The following SDK1 variants were observed in gnomAD, a reference collection of about 807,000 sequenced individuals.
SDK1 encodes protein sidekick-1.
A neutral mutation model predicts 245.5 loss-of-function variants in SDK1; 157 were observed. That is an observed-to-expected ratio of 0.64 (90% confidence interval 0.56 to 0.73). SDK1 has a LOEUF of 0.73. Ranked by LOEUF, SDK1 falls within the 30% of genes least tolerant of loss-of-function variation. The pLI, the probability that SDK1 is intolerant of heterozygous loss-of-function variation, is 0.00. For synonymous variants in SDK1, 1,647 were observed against 1,278.5 expected (o/e 1.29, Z -6.15); for missense variants, 3,583 against 3,002.3 (o/e 1.19, Z -4.52).
At chr7:4,235,679 C>T (rs969840144) in intron 41 of SDK1, among the ~76,000 whole-genome samples, 1 of 152,226 alleles carries the variant, frequency 6.6e-6, no homozygotes, top group African/African-American at 2.4e-5. Flanking sequence ...AAGCCGGTTC[C>T]TCATGCGGAA....
intron 16 of SDK1, among the ~76,000 whole-genome samples, chr7:4,014,363 T>C (rs2128150672): frequency 6.6e-6 from 1 of 152,302 alleles, no homozygotes; most frequent in African/African-American, 2.4e-5. Context: ...GCATCTTCTG[T>C]ATTTGCAGGA....
Position 3,988,605 on chromosome 7 carries a change from C to T in SDK1, c.2131+1283C>T, listed in dbSNP as rs527452796. On this transcript the variant is annotated intron_variant, in intron 14 of 44. Coordinates refer to ENST00000404826, the MANE Select transcript of SDK1 (RefSeq NM_152744.4). ...GGTCAGCCACACGGGACACATGAAA[C>T]TCAACACGGATTTTATGTTGACTCC... is the stretch of plus-strand genomic sequence containing the variant. Among the ~76,000 whole-genome samples the T allele has an allele frequency of 2.0e-5, 3 of 152,260 alleles. No individual in the cohort carries two copies. In the East Asian group the frequency reaches 5.8e-4, roughly 29 times the overall value.
Position 3,723,924 on chromosome 7 carries a change from GTATA to G in SDK1, c.713+81836_713+81839del, listed in dbSNP as rs375367373. Among the ~76,000 whole-genome samples the G allele has an allele frequency of 3.5e-3, 230 of 65,298 alleles. 12 individuals are homozygous for G. The East Asian group carries it at 0.05, about 14-fold the overall frequency. The allele number at this position is 65,298 out of a possible 152,430, so 42.8% of individuals were successfully genotyped here. ...TATACACGTACATATATATATACAC[GTATA>G]TATATATATATATATAGAGAGAGAG... On this transcript the variant is annotated intron_variant, in intron 4 of 44. Coordinates refer to ENST00000404826, the MANE Select transcript of SDK1 (RefSeq NM_152744.4).
chr7:3,642,929 C>G (rs1387929401), intron 4 of SDK1: 1 of 152,222 alleles, frequency 6.6e-6, no homozygotes, highest in Non-Finnish European at 1.5e-5. Flanking sequence ...AAAAATTCAT[C>G]AGGAGCAAAT....
At position 4,042,565 on chromosome 7, in the gene SDK1, A is replaced by T. The variant is rs1436897762; in HGVS notation, c.2603-6783A>T. Among the ~76,000 whole-genome samples the T allele has an allele frequency of 4.4e-5, 6 of 137,766 alleles. 3 individuals are homozygous for T. Among genetic ancestry groups the T allele is most frequent in the African/African-American group, 2.0e-4 (6 of 30,574 alleles). The allele number at this position is 137,766 out of a possible 152,430, so 90.4% of individuals were successfully genotyped here. ...ACCAGAAAGGAGCATAACACCTGTC[A>T]CGTTACCAGCCTGCCTCCAGGCCTG... On this transcript the variant is annotated intron_variant, in intron 17 of 44. Coordinates refer to ENST00000404826, the MANE Select transcript of SDK1 (RefSeq NM_152744.4).
rs1016689701 is a variant in SDK1 at position 4,011,165 on chromosome 7, G to T, written c.2279+52G>T. The T allele has an allele frequency of 6.3e-6, 10 of 1,591,506 alleles. No homozygotes were observed. The African/African-American group carries it at 9.4e-5, about 15-fold the overall frequency. ...GTGTGGAACAGCCGGGGGCCTGAAT[G>T]CCAAAGAGAAGCATCACATTATGTG... is the stretch of plus-strand genomic sequence containing the variant. On this transcript the variant is annotated intron_variant, in intron 15 of 44. Coordinates refer to ENST00000404826, the MANE Select transcript of SDK1 (RefSeq NM_152744.4).
At chr7:4,158,349 G>A (rs1780900744) in intron 30 of SDK1, 99 bp from the exon 31 acceptor site, 3 of 918,826 alleles carry the variant, frequency 3.3e-6, no homozygotes, top group Admixed American at 4.0e-5. Flanking sequence ...CTCAGGGCAG[G>A]GGAGGGATTT....
intron 1 of SDK1, among the ~76,000 whole-genome samples, chr7:3,408,432 A>G (rs745565469): frequency 1.3e-5 from 2 of 152,226 alleles, no homozygotes; most frequent in Non-Finnish European, 2.9e-5. Context: ...CCTGTTTAAA[A>G]TTAGAGCATT....
At chr7:3,456,223 A>C (rs1428835051) in intron 1 of SDK1, among the ~76,000 whole-genome samples, 2 of 152,130 alleles carry the variant, frequency 1.3e-5, no homozygotes, top group Non-Finnish European at 2.9e-5. Flanking sequence ...TTTGGGCTTC[A>C]CTCAGCTTCT....
chr7:4,003,876 T>G (rs965361593), intron 14 of SDK1, among the ~76,000 whole-genome samples: 1 of 152,232 alleles, frequency 6.6e-6, no homozygotes, highest in African/African-American at 2.4e-5. Flanking sequence ...TAGCTCCATG[T>G]TGGGGGCCCT....
At chr7:4,090,665 C>G (rs375144422) in intron 22 of SDK1, among the ~76,000 whole-genome samples, 15 of 152,100 alleles carry the variant, frequency 9.9e-5, no homozygotes, top group East Asian at 9.6e-4. Flanking sequence ...CTCTTCTTTC[C>G]CAGCCATTTC....
intron 30 of SDK1, among the ~76,000 whole-genome samples, chr7:4,150,951 C>A (rs932628028): frequency 1.3e-5 from 2 of 152,380 alleles, no homozygotes; most frequent in East Asian, 3.9e-4. Context: ...GCTTCTGCCA[C>A]TTGCCGTTGA....
chr7:3,737,444 G>A (rs947233681), intron 4 of SDK1, among the ~76,000 whole-genome samples: 8 of 152,226 alleles, frequency 5.3e-5, no homozygotes, highest in Non-Finnish European at 1.0e-4. Context: ...TCTGCTAGGT[G>A]GGGCTTGGCT....
chr7:3,811,113 C>T (rs987500209), intron 4 of SDK1, among the ~76,000 whole-genome samples: 5 of 152,204 alleles, frequency 3.3e-5, no homozygotes, highest in African/African-American at 7.2e-5. Flanking sequence ...TCAGACTTAG[C>T]GTACATGGAA....
chr7:3,909,042 C>T (rs762164215), intron 5 of SDK1, among the ~76,000 whole-genome samples: 2 of 152,242 alleles, frequency 1.3e-5, no homozygotes, highest in Non-Finnish European at 1.5e-5. Flanking sequence ...GGAAGACAGC[C>T]CCTCTGGCTG....
At chr7:3,781,070 A>G (rs1313773713) in intron 4 of SDK1, among the ~76,000 whole-genome samples, 1 of 151,974 alleles carries the variant, frequency 6.6e-6, no homozygotes, top group Non-Finnish European at 1.5e-5. Flanking sequence ...TCAAAAGCCC[A>G]CCTCATAGCT....
intron 4 of SDK1, among the ~76,000 whole-genome samples, chr7:3,749,862 G>T (rs1779727494): frequency 6.6e-6 from 1 of 152,162 alleles, no homozygotes; most frequent in Non-Finnish European, 1.5e-5. Flanking sequence ...AATTTAGACT[G>T]AGTCAGTACT....
intron 4 of SDK1, among the ~76,000 whole-genome samples, chr7:3,809,890 C>G (rs1779343054): frequency 6.6e-6 from 1 of 152,148 alleles, no homozygotes; most frequent in Non-Finnish European, 1.5e-5. Flanking sequence ...GAATTACCAG[C>G]CCCAGGCTTC....
At chr7:3,550,717 T>A (rs1779374984) in intron 1 of SDK1, among the ~76,000 whole-genome samples, 2 of 152,242 alleles carry the variant, frequency 1.3e-5, no homozygotes, top group South Asian at 4.1e-4. Flanking sequence ...ATTGAAATGC[T>A]TTATATGATA....
Sources: gnomAD v4.1 joint callset for allele counts (sites outside exome capture counted in the v4.1 genomes callset) on GRCh38, gnomAD v4.1.1 for gene constraint, MANE v1.5 for transcripts, NCBI Gene and HGNC (gene_info 2026-07-23, HGNC 2026-07-21) for gene names.